The following MFAP2 variants were observed in gnomAD, a reference collection of about 807,000 sequenced individuals.
The protein encoded by MFAP2 is microfibrillar-associated protein 2.
MFAP2 carries 23 observed loss-of-function variants against 30.6 expected under a neutral mutation model. The ratio of observed to expected loss-of-function variants is 0.75; its 90% CI spans 0.54 to 1.07. The LOEUF is 1.07. Ranked by LOEUF, MFAP2 falls within the 50% of genes least tolerant of loss-of-function variation. The pLI is 0.00. For synonymous variants in MFAP2, 73 were observed against 85.7 expected (o/e 0.85, Z 0.82); for missense variants, 198 against 223.8 (o/e 0.88, Z 0.74).
chr1:16,978,214 C>CGTAG, intron 2 of MFAP2, 23 bp downstream of exon 2: 1 of 1,562,556 alleles, frequency 6.4e-7, no homozygotes, highest in South Asian at 1.2e-5. Flanking sequence ...GAGGAGCTAC[C>CGTAG]CCCTGCCCCA....
intron 1 of MFAP2, among the ~76,000 whole-genome samples, chr1:16,980,159 G>T (rs1433140140): frequency 6.6e-6 from 1 of 152,008 alleles, no homozygotes; most frequent in Non-Finnish European, 1.5e-5. Context: ...TTGCAGCGCC[G>T]CACAGCTGGG....
rs1030669933 is a variant in MFAP2, at chr1:16,978,116, G to A, written c.37+121C>T. 22 of 1,128,166 alleles carry A rather than the reference G, an allele frequency of 2.0e-5. No individual in the cohort carries two copies. In the South Asian group the frequency reaches 3.4e-4, roughly 17 times the overall value. 69.9% of individuals were successfully genotyped at this position (1,128,166 alleles called of 1,614,324 possible). ...GGTCCAAGCAGGCAGAAGGCCCTGG[G>A]AGCTGGGGAGCTGAGTTCTGGTCAT... On this transcript the variant is annotated intron_variant, in intron 2 of 8. Coordinates refer to ENST00000375535, the MANE Select transcript of MFAP2 (RefSeq NM_002403.4).
chr1:16,981,410 C>G (rs1433212512), upstream of MFAP2, among the ~76,000 whole-genome samples: 1 of 152,194 alleles, frequency 6.6e-6, no homozygotes, highest in Non-Finnish European at 1.5e-5. Flanking sequence ...ACCTGGCCCT[C>G]CAGGATTCCC....
Position 16,976,215 on chromosome 1 carries a change from G to A in MFAP2, c.286+286C>T. The stretch of plus-strand genomic sequence containing the variant: ...TGTGCACCACTCAGTCTCTCTGGCT[G>A]GCAGGAAGCCCCCAGCACACTCCCT... On this transcript the variant is annotated intron_variant, in intron 6 of 8. Transcript: ENST00000375535. This position sits in a 1 kb window ranked among gnomAD's most constrained non-coding sequence, Gnocchi z 5.5. 1 of 574,010 alleles carries A rather than the reference G, an allele frequency of 1.7e-6. No individual in the cohort carries two copies. The highest frequency in any genetic ancestry group is 3.1e-6 in the Non-Finnish European group (1 of 320,668). 35.6% of individuals were successfully genotyped at this position (574,010 alleles called of 1,614,324 possible).
At chr1:16,977,892 C>A (rs916409222) in intron 2 of MFAP2, 19 of 292,714 alleles carry the variant, frequency 6.5e-5, no homozygotes, top group African/African-American at 4.1e-4. Flanking sequence ...GGATCTAGAA[C>A]TCAAGCATCC....
chr1:16,981,572 A>G (rs1226934431), upstream of MFAP2, among the ~76,000 whole-genome samples: 2 of 152,232 alleles, frequency 1.3e-5, no homozygotes, highest in Non-Finnish European at 2.9e-5. Flanking sequence ...AGCCACTGTG[A>G]GACCAAGTTG....
At chr1:16,978,159 C>A in intron 2 of MFAP2, 78 bp downstream of exon 2, 2 of 1,458,134 alleles carry the variant, frequency 1.4e-6, no homozygotes, top group South Asian at 1.3e-5. Flanking sequence ...GACAAAGGCT[C>A]ACTATGAATT....
At chr1:16,981,117 G>A (rs562890990), upstream of MFAP2, among the ~76,000 whole-genome samples, 138 of 152,296 alleles carry the variant, frequency 9.1e-4, 1 homozygote, top group African/African-American at 3.2e-3. Context: ...GCCATGGCTG[G>A]CTTCCACAAC....
chr1:16,979,036 C>G (rs2076616401), intron 1 of MFAP2: 1 of 152,300 alleles, frequency 6.6e-6, no homozygotes, highest in African/African-American at 2.4e-5. Flanking sequence ...GGGGGCTCCT[C>G]TGGATCCCAG....
In MFAP2 at chr1:16,975,578, G is replaced by A. The variant is rs1304686918; in HGVS notation, c.374+65C>T. ...ACTCCCACCTTGGCGGGCCAGAGCTGTCCCCTGTGCCCTCTAGCCCCCCAT... is the reference window on the plus strand; with the variant it reads ...ACTCCCACCTTGGCGGGCCAGAGCTATCCCCTGTGCCCTCTAGCCCCCCAT... On this transcript the variant is annotated intron_variant, in intron 7 of 8. Transcript: ENST00000375535. This position sits in a 1 kb window ranked among gnomAD's most constrained non-coding sequence, Gnocchi z 5.0. 3.3e-6 allele frequency: 5 copies of A among 1,515,410 alleles called. No homozygotes were observed. Among genetic ancestry groups the A allele is most frequent in the East Asian group, 4.6e-5 (2 of 43,810 alleles). 93.9% of individuals were successfully genotyped at this position (1,515,410 alleles called of 1,614,324 possible).
At chr1:16,977,033 G>A in intron 3 of MFAP2, 76 bp downstream of exon 3, 1 of 1,612,086 alleles carries the variant, frequency 6.2e-7, no homozygotes, top group African/African-American at 1.3e-5. Context: ...GTTCCCATCA[G>A]CGTGTCCAGT....
rs200668406 is a variant in MFAP2, at chr1:16,978,292, C to A, written c.-19G>T. ...CTCTCATGGCAACAAAGAGGCAGGC[C>A]GGGGTGGTGTCAGAGAGGACAGCTG... On this transcript the variant is annotated 5_prime_UTR_variant, in exon 2 of 9. Transcript: ENST00000375535. The A allele has an allele frequency of 6.4e-7, 1 of 1,572,092 alleles. No homozygotes were observed. Among genetic ancestry groups the A allele is most frequent in the Admixed American group, 1.9e-5 (1 of 52,592 alleles).
upstream of MFAP2, chr1:16,980,910 A>G (rs1332482792): frequency 6.6e-6 from 1 of 152,644 alleles, no homozygotes; most frequent in African/African-American, 2.4e-5. Context: ...TGTGTTGCCC[A>G]TTTCACAGAG....
intron 1 of MFAP2, among the ~76,000 whole-genome samples, chr1:16,980,266 G>GC (rs1557656617): frequency 4.1e-4 from 27 of 66,634 alleles, no homozygotes; most frequent in African/African-American, 7.1e-4. Flanking sequence ...ATTCCCACCG[G>GC]ACCCCCCCCC....
At position 16,974,846 on chromosome 1, in the gene MFAP2, A is replaced by G. The variant is rs2076575322; in HGVS notation, c.*74T>C. On this transcript the variant is annotated 3_prime_UTR_variant, in exon 9 of 9. Transcript: ENST00000375535. Reference sequence around the variant, plus strand: ...ATAAAAGGAACATGGGGATGGGGAAAAAAGCACCAGGTCAGGCAGGGCCCG... The same window carrying G: ...ATAAAAGGAACATGGGGATGGGGAAGAAAGCACCAGGTCAGGCAGGGCCCG... The G allele has an allele frequency of 3.5e-6, 2 of 565,078 alleles. No homozygotes were observed. The highest frequency in any genetic ancestry group is 4.2e-5 in the South Asian group (2 of 48,094). 35.0% of individuals were successfully genotyped at this position (565,078 alleles called of 1,614,324 possible).
intron 1 of MFAP2, among the ~76,000 whole-genome samples, chr1:16,980,083 G>C (rs575598711): frequency 4.9e-4 from 75 of 152,128 alleles, no homozygotes; most frequent in Non-Finnish European, 9.0e-4. Context: ...ATCAGACGGA[G>C]GGAGGGCTCT....
rs572396290 is a variant in MFAP2 at position 16,976,561 on chromosome 1, A to G, written c.242-16T>C. The G allele has an allele frequency of 4.0e-5, 64 of 1,614,150 alleles. No homozygotes were observed. In the East Asian group the frequency reaches 9.1e-4, roughly 23 times the overall value. On this transcript the variant is annotated splice_polypyrimidine_tract_variant and intron_variant, in intron 5 of 8. Transcript: ENST00000375535. The surrounding 1 kb of genome is among the most constrained non-coding windows in gnomAD (Gnocchi z 5.5). ...TTTCCTGGTTCTGGTGTGGAGACAG[A>G]GGTAGGCAGACATCACTGGGAGGGG...
At chr1:16,978,346 A>C in intron 1 of MFAP2, 32 bp from the exon 2 acceptor site, 2 of 1,513,778 alleles carry the variant, frequency 1.3e-6, no homozygotes, top group Non-Finnish European at 1.8e-6. Flanking sequence ...AGCTCTACCC[A>C]GGGCCACACC....
Position 16,975,560 on chromosome 1 carries a change from C to T in MFAP2, c.374+83G>A. The T allele has an allele frequency of 2.8e-6, 4 of 1,445,318 alleles. No individual in the cohort carries two copies. Among genetic ancestry groups the T allele is most frequent in the Non-Finnish European group, 3.9e-6 (4 of 1,038,358 alleles). The allele number at this position is 1,445,318 out of a possible 1,614,324, so 89.5% of individuals were successfully genotyped here. ...CTCACTATCTTTCCTCCAACTCCCACCTTGGCGGGCCAGAGCTGTCCCCTG... is the reference window on the plus strand; with the variant it reads ...CTCACTATCTTTCCTCCAACTCCCATCTTGGCGGGCCAGAGCTGTCCCCTG... On this transcript the variant is annotated intron_variant, in intron 7 of 8. Coordinates refer to ENST00000375535, the MANE Select transcript of MFAP2 (RefSeq NM_002403.4). The surrounding 1 kb of genome is among the most constrained non-coding windows in gnomAD (Gnocchi z 5.0).
Sources: allele counts gnomAD v4.1 joint callset (sites outside exome capture counted in the v4.1 genomes callset), GRCh38; gene constraint gnomAD v4.1.1; non-coding constraint Gnocchi (gnomAD v3.1); transcripts MANE v1.5; gene names NCBI Gene and HGNC (gene_info 2026-07-23, HGNC 2026-07-21).